The following CNTNAP2 variants were observed in gnomAD, a reference collection of about 807,000 sequenced individuals.
The protein encoded by CNTNAP2 is contactin associated protein 2.
CNTNAP2 carries 98 observed loss-of-function variants against 155.2 expected under a neutral mutation model. The ratio of observed to expected loss-of-function variants is 0.63; its 90% CI spans 0.54 to 0.75. CNTNAP2 has a LOEUF of 0.75. Ranked by LOEUF, CNTNAP2 falls within the 30% of genes least tolerant of loss-of-function variation. CNTNAP2 has a pLI of 0.00. For missense variants in CNTNAP2, 1,727 were observed against 1,688.1 expected (o/e 1.02, Z -0.40); for synonymous variants, 651 against 631.2 (o/e 1.03, Z -0.47).
intron 8 of CNTNAP2, among the ~76,000 whole-genome samples, chr7:147,223,692 C>T (rs1803456780): frequency 6.6e-6 from 1 of 152,100 alleles, no homozygotes; most frequent in Non-Finnish European, 1.5e-5. Flanking sequence ...CCTCTAATCC[C>T]AGCACTTTGG....
chr7:147,295,242 C>T (rs375298000), intron 8 of CNTNAP2, among the ~76,000 whole-genome samples: 47 of 149,080 alleles, frequency 3.2e-4, no homozygotes, highest in African/African-American at 8.3e-4. Flanking sequence ...TGTGCGCATG[C>T]GTGTGTACCC....
At chr7:148,323,072 T>A (rs975129065) in intron 21 of CNTNAP2, among the ~76,000 whole-genome samples, 1 of 152,114 alleles carries the variant, frequency 6.6e-6, no homozygotes, top group Non-Finnish European at 1.5e-5. Flanking sequence ...TACCTGGTGC[T>A]GTTGTTAGAT....
At chr7:146,168,742 A>G (rs980973398) in intron 1 of CNTNAP2, among the ~76,000 whole-genome samples, 1 of 152,148 alleles carries the variant, frequency 6.6e-6, no homozygotes, top group Non-Finnish European at 1.5e-5. Flanking sequence ...GCAATGACCT[A>G]CCCAATGGTT....
chr7:146,347,468 T>C (rs2129097896), intron 1 of CNTNAP2, among the ~76,000 whole-genome samples: 1 of 152,300 alleles, frequency 6.6e-6, no homozygotes, highest in Admixed American at 6.5e-5. Flanking sequence ...TCATGGATCC[T>C]ACTGACTGGT....
rs1798025476 is a variant in CNTNAP2 at position 148,331,741 on chromosome 7, AT to A, written c.3476-51907del. The stretch of plus-strand genomic sequence containing the variant: ...CGGATGGATTGGATGGATGGAGTGG[AT>A]GGATGGAACGGACGGATGGATTGGA... On this transcript the variant is annotated intron_variant, in intron 21 of 23. Transcript: ENST00000361727. Among the ~76,000 whole-genome samples the A allele has an allele frequency of 1.3e-5, 2 of 150,820 alleles. 1 individual carries two copies. Among genetic ancestry groups the A allele is most frequent in the African/African-American group, 5.0e-5 (2 of 40,400 alleles).
At chr7:146,347,174 C>T (rs1235550290) in intron 1 of CNTNAP2, among the ~76,000 whole-genome samples, 1 of 148,338 alleles carries the variant, frequency 6.7e-6, no homozygotes, top group Non-Finnish European at 1.5e-5. Flanking sequence ...CTGCCTGTGC[C>T]ATTTGGCATG....
chr7:147,914,555 A>T (rs950416476), intron 14 of CNTNAP2, among the ~76,000 whole-genome samples: 3 of 151,796 alleles, frequency 2.0e-5, no homozygotes, highest in Non-Finnish European at 2.9e-5. Context: ...AAAAAAAAAA[A>T]AAAGAAAGAA....
At chr7:148,172,831 A>G (rs969787018) in intron 18 of CNTNAP2, among the ~76,000 whole-genome samples, 3 of 152,152 alleles carry the variant, frequency 2.0e-5, no homozygotes, top group Non-Finnish European at 4.4e-5. Flanking sequence ...AGGATCTCCA[A>G]TAGATCAATT....
intron 9 of CNTNAP2, among the ~76,000 whole-genome samples, chr7:147,382,301 T>C (rs1796549937): frequency 6.6e-6 from 1 of 151,958 alleles, no homozygotes; most frequent in Non-Finnish European, 1.5e-5. Flanking sequence ...CAGAAACAAA[T>C]TGGAAGTGGA....
At chr7:147,886,475 C>CAAAAAAAAAAAAAAAAAAAAAAA (rs532837902) in intron 13 of CNTNAP2, among the ~76,000 whole-genome samples, 1 of 39,738 alleles carries the variant, frequency 2.5e-5, no homozygotes, top group African/African-American at 1.1e-4. Context: ...AACTCCATCT[C>CAAAAAAAAAAAAAAAAAAAAAAA]AAAAAAAAAA....
intron 13 of CNTNAP2, among the ~76,000 whole-genome samples, chr7:147,811,893 T>C (rs2116607903): frequency 6.6e-6 from 1 of 152,258 alleles, no homozygotes; most frequent in African/African-American, 2.4e-5. Flanking sequence ...TCCATGTGGG[T>C]CCTGCATTCT....
At chr7:147,026,979 A>G (rs1798932990) in intron 3 of CNTNAP2, among the ~76,000 whole-genome samples, 1 of 148,550 alleles carries the variant, frequency 6.7e-6, no homozygotes, top group African/African-American at 2.5e-5. Flanking sequence ...TTACTCCAGG[A>G]GGAAAAACAA....
At chr7:147,675,544 A>G (rs937786431) in intron 13 of CNTNAP2, among the ~76,000 whole-genome samples, 10 of 152,030 alleles carry the variant, frequency 6.6e-5, no homozygotes, top group African/African-American at 2.4e-4. Flanking sequence ...TTCTTTCTCC[A>G]CCTTGTTTTA....
intron 13 of CNTNAP2, among the ~76,000 whole-genome samples, chr7:147,875,377 T>C (rs557357344): frequency 6.6e-6 from 1 of 152,200 alleles, no homozygotes; most frequent in South Asian, 2.1e-4. Flanking sequence ...CTGCCCTTTA[T>C]AAAATCAACA....
At chr7:147,489,684 C>G (rs933914399) in intron 11 of CNTNAP2, among the ~76,000 whole-genome samples, 14 of 152,116 alleles carry the variant, frequency 9.2e-5, no homozygotes, top group South Asian at 2.1e-4. Context: ...GGCATGATCT[C>G]GGTTCACTGC....
At chr7:147,773,659 T>C (rs1023889268) in intron 13 of CNTNAP2, among the ~76,000 whole-genome samples, 1 of 152,162 alleles carries the variant, frequency 6.6e-6, no homozygotes, top group African/African-American at 2.4e-5. Context: ...CCCTAATCTC[T>C]TACCTGGACT....
intron 9 of CNTNAP2, among the ~76,000 whole-genome samples, chr7:147,359,583 C>G (rs1420253848): frequency 6.6e-6 from 1 of 152,104 alleles, no homozygotes; most frequent in African/African-American, 2.4e-5. Context: ...ATGTTTCTGA[C>G]CCACCCCATG....
At chr7:146,293,583 C>A (rs950087988) in intron 1 of CNTNAP2, among the ~76,000 whole-genome samples, 3 of 152,068 alleles carry the variant, frequency 2.0e-5, no homozygotes, top group African/African-American at 7.2e-5. Context: ...GACTTACAGG[C>A]CATCATTTTC....
At chr7:147,617,893 C>T (rs1408632505) in intron 12 of CNTNAP2, among the ~76,000 whole-genome samples, 1 of 152,094 alleles carries the variant, frequency 6.6e-6, no homozygotes, top group African/African-American at 2.4e-5. Flanking sequence ...GTTGCTTCCT[C>T]TGGATACATG....
Sources: allele counts gnomAD v4.1 joint callset (sites outside exome capture counted in the v4.1 genomes callset), GRCh38; gene constraint gnomAD v4.1.1; transcripts MANE v1.5; gene names NCBI Gene and HGNC (gene_info 2026-07-23, HGNC 2026-07-21).